Variants in FOXO3 observed in about 807,000 individuals in gnomAD.
FOXO3 encodes forkhead box protein O3.
In FOXO3, 4 loss-of-function variants were observed where a neutral mutation model predicts 41.9. That is an observed-to-expected ratio of 0.10 (90% CI 0.05 to 0.22). The LOEUF is 0.22. Ranked by LOEUF, FOXO3 falls within the 10% of genes least tolerant of loss-of-function variation. The pLI, the probability that FOXO3 is intolerant of heterozygous loss-of-function variation, is 1.00. For synonymous variants in FOXO3, 318 were observed against 389.3 expected (o/e 0.82, Z 2.16); for missense variants, 534 against 906.8 (o/e 0.59, Z 5.28).
Position 108,663,598 on chromosome 6 carries a change from C to T in FOXO3, c.765C>T (p.Asp255=). ...CCCGGCGGCGGGCTGTCTCCATGGACAATAGCAACAAGTATACCAAGAGCC... is the reference window on the plus strand; with the variant it reads ...CCCGGCGGCGGGCTGTCTCCATGGATAATAGCAACAAGTATACCAAGAGCC... ...KAPRRRAVSM[D]NSNKYTKSRG... Residue 255 remains aspartate (D), a synonymous_variant, in exon 2 of 3, where the codon GAC becomes GAT. Coordinates refer to ENST00000406360, the MANE Select transcript of FOXO3 (RefSeq NM_001455.4). The T allele has an allele frequency of 6.2e-7, 1 of 1,613,530 alleles. No individual in the cohort carries two copies. The highest frequency in any genetic ancestry group is 1.1e-5 in the South Asian group (1 of 91,058).
chr6:108,656,997 C>T (rs772508809), intron 1 of FOXO3, among the ~76,000 whole-genome samples: 11 of 152,196 alleles, frequency 7.2e-5, no homozygotes, highest in Admixed American at 2.6e-4. Context: ...AATGTGAATT[C>T]CATCATGCTG....
At position 108,664,983 on chromosome 6, in the gene FOXO3, C is replaced by G; in HGVS notation, c.*34+94C>G. 2.3e-6 allele frequency: 3 copies of G among 1,291,314 alleles called. No homozygotes were observed. The East Asian group carries it at 7.5e-5, about 32-fold the overall frequency. The allele number at this position is 1,291,314 out of a possible 1,614,324, so 80.0% of individuals were successfully genotyped here. A position where few individuals can be genotyped will look rare whatever the true frequency, so the allele number is the denominator to read the frequency against. On this transcript the variant is annotated intron_variant, in intron 2 of 2. Transcript: ENST00000406360. ...TCTTCTCTTTACTTTGAACTTTATT[C>G]CACACTGAAAACCATGGAGCAGTGG...
intron 1 of FOXO3, among the ~76,000 whole-genome samples, chr6:108,631,637 T>C (rs1488971333): frequency 6.6e-6 from 1 of 152,148 alleles, no homozygotes; most frequent in Non-Finnish European, 1.5e-5. Flanking sequence ...GTGAGGACTT[T>C]AAAGCAAATC....
At chr6:108,655,710 TAC>T (rs1486199572) in intron 1 of FOXO3, among the ~76,000 whole-genome samples, 2 of 152,208 alleles carry the variant, frequency 1.3e-5, no homozygotes, top group African/African-American at 2.4e-5. Context: ...CCTGTCATTA[TAC>T]ACCGAAGGCG....
intron 1 of FOXO3, among the ~76,000 whole-genome samples, chr6:108,582,574 C>G (rs11965453): frequency 1.1e-4 from 16 of 151,952 alleles, no homozygotes; most frequent in African/African-American, 3.9e-4. Flanking sequence ...TACCTTAATC[C>G]CTTTGTTAGG....
intron 1 of FOXO3, among the ~76,000 whole-genome samples, chr6:108,589,107 T>C (rs1776664209): frequency 6.6e-6 from 1 of 152,354 alleles, no homozygotes; most frequent in Admixed American, 6.5e-5. Context: ...ATGGAGGCTG[T>C]CATGGAGTCC....
intron 1 of FOXO3, among the ~76,000 whole-genome samples, chr6:108,639,790 A>G (rs1778206819): frequency 6.6e-6 from 1 of 152,236 alleles, no homozygotes; most frequent in Non-Finnish European, 1.5e-5. Context: ...TGATCAATAC[A>G]TTGTGGTTTC....
intron 1 of FOXO3, among the ~76,000 whole-genome samples, chr6:108,651,167 G>T (rs981590315): frequency 6.6e-6 from 1 of 152,138 alleles, no homozygotes; most frequent in Non-Finnish European, 1.5e-5. Flanking sequence ...CTTTATTTCC[G>T]TACAGAAAAT....
Position 108,663,787 on chromosome 6 carries a change from C to T in FOXO3, c.954C>T (p.Ser318=). The change falls in exon 2 of 3, where the codon AGC becomes AGT. Residue 318 remains serine (S), a synonymous_variant. Coordinates refer to ENST00000406360, the MANE Select transcript of FOXO3 (RefSeq NM_001455.4). ...DFRSRTNSNA[S]TVSGRLSPIM... ...GTTCACGCACCAATTCTAACGCCAG[C>T]ACAGTCAGTGGCCGCCTGTCGCCCA... 4.3e-6 allele frequency: 7 copies of T among 1,613,986 alleles called. No individual in the cohort carries two copies. Among genetic ancestry groups the T allele is most frequent in the Non-Finnish European group, 5.1e-6 (6 of 1,179,838 alleles).
In FOXO3 at chr6:108,592,311, G is replaced by A. The variant is rs757951044; in HGVS notation, c.621+30482G>A. Among the ~76,000 whole-genome samples, 10 of 151,926 alleles carry A rather than the reference G, an allele frequency of 6.6e-5. No individual in the cohort carries two copies. The East Asian group carries it at 7.7e-4, about 12-fold the overall frequency. The stretch of plus-strand genomic sequence containing the variant: ...ACACCTCATAAAGTTGATTTGAACC[G>A]AAAAAAGGGGTTAGAAAAGGCTGTG... On this transcript the variant is annotated intron_variant, in intron 1 of 2. Coordinates refer to ENST00000406360, the MANE Select transcript of FOXO3 (RefSeq NM_001455.4).
At chr6:108,643,834 C>A (rs1778324856) in intron 1 of FOXO3, among the ~76,000 whole-genome samples, 1 of 152,150 alleles carries the variant, frequency 6.6e-6, no homozygotes, top group Non-Finnish European at 1.5e-5. Context: ...GTTTGCCCCT[C>A]AGATCATCTT....
chr6:108,567,614 G>T (rs1775981217), intron 1 of FOXO3, among the ~76,000 whole-genome samples: 1 of 152,204 alleles, frequency 6.6e-6, no homozygotes, highest in South Asian at 2.1e-4. Context: ...TAGGGGTGGA[G>T]TAACGGGTGT....
At chr6:108,635,007 A>G (rs1778083793) in intron 1 of FOXO3, among the ~76,000 whole-genome samples, 1 of 151,816 alleles carries the variant, frequency 6.6e-6, no homozygotes, top group South Asian at 2.1e-4. Flanking sequence ...ATTTTATAAA[A>G]TAATAAATAT....
At chr6:108,679,235 G>A (rs1770752566) in intron 2 of FOXO3, among the ~76,000 whole-genome samples, 1 of 152,084 alleles carries the variant, frequency 6.6e-6, no homozygotes, top group Non-Finnish European at 1.5e-5. Context: ...TGGGGAATAG[G>A]GGAGTCAAGA....
chr6:108,606,588 CTT>C (rs756847902), intron 1 of FOXO3, among the ~76,000 whole-genome samples: 1 of 152,092 alleles, frequency 6.6e-6, no homozygotes, highest in Non-Finnish European at 1.5e-5. Context: ...GCATGAAAAA[CTT>C]TCTTCTTCTC....
At chr6:108,606,372 A>G (rs567165654) in intron 1 of FOXO3, among the ~76,000 whole-genome samples, 8 of 152,302 alleles carry the variant, frequency 5.3e-5, no homozygotes, top group African/African-American at 1.7e-4. Context: ...TCTGTCTGGT[A>G]GGGCGGTGTT....
intron 1 of FOXO3, among the ~76,000 whole-genome samples, chr6:108,657,493 TC>T (rs1466669340): frequency 2.0e-5 from 3 of 152,188 alleles, no homozygotes; most frequent in South Asian, 4.1e-4. Context: ...GGAAGGCACA[TC>T]CCTAGTTCTT....
At chr6:108,612,844 A>G (rs576445714) in intron 1 of FOXO3, among the ~76,000 whole-genome samples, 1 of 152,160 alleles carries the variant, frequency 6.6e-6, no homozygotes, top group Non-Finnish European at 1.5e-5. Flanking sequence ...CTTAAGGGGA[A>G]AGCATTCAGT....
intron 1 of FOXO3, among the ~76,000 whole-genome samples, chr6:108,584,293 C>T (rs567900775): frequency 6.6e-6 from 1 of 152,310 alleles, no homozygotes; most frequent in African/African-American, 2.4e-5. Flanking sequence ...TGGCATGTAT[C>T]TCTGCCATCA....
Sources: allele counts gnomAD v4.1 joint callset (sites outside exome capture counted in the v4.1 genomes callset), GRCh38; gene constraint gnomAD v4.1.1; transcripts MANE v1.5; gene names NCBI Gene and HGNC (gene_info 2026-07-23, HGNC 2026-07-21).